BNC2: variants seen among roughly 807,000 people sequenced by gnomAD.
BNC2 encodes zinc finger protein basonuclin-2.
BNC2 carries 20 observed loss-of-function variants against 76.3 expected under a neutral mutation model. The observed-to-expected ratio is 0.26, with a 90% CI of 0.18 to 0.38. The LOEUF (loss-of-function observed/expected upper bound fraction) is 0.38, where lower values mean the gene tolerates loss of function less well. Among genes scored for constraint, BNC2 ranks in the 10% least tolerant of loss-of-function variants. The pLI is 1.00. For missense variants in BNC2, 1,382 were observed against 1,399.8 expected, an observed-to-expected ratio of 0.99 and a Z score of 0.20; for synonymous variants, 582 against 514.8, an observed-to-expected ratio of 1.13 and a Z score of -1.77.
At chr9:16,486,711 T>TG (rs1398714616) in intron 5 of BNC2, among the ~76,000 whole-genome samples, 1 of 152,124 alleles carries the variant, frequency 6.6e-6, no homozygotes, top group African/African-American at 2.4e-5. Flanking sequence ...TGTAGCAATT[T>TG]GGGAGATTCA....
At chr9:16,438,374 T>G (rs1288999835) in intron 5 of BNC2, among the ~76,000 whole-genome samples, 1 of 152,220 alleles carries the variant, frequency 6.6e-6, no homozygotes, top group Admixed American at 6.5e-5. Flanking sequence ...AGCATCCTCC[T>G]CTGATAGCAA....
chr9:16,746,222 C>A (rs1006523367), intron 1 of BNC2, among the ~76,000 whole-genome samples: 1 of 152,086 alleles, frequency 6.6e-6, no homozygotes, highest in Admixed American at 6.5e-5. Flanking sequence ...TTACTCTTTG[C>A]GACTTGTGAG....
chr9:16,847,281 G>A (rs958654238), intron 1 of BNC2, among the ~76,000 whole-genome samples: 9 of 152,040 alleles, frequency 5.9e-5, no homozygotes, highest in African/African-American at 2.2e-4. Context: ...TCAAAGAAAG[G>A]TTATGGAGTG....
chr9:16,667,307 G>C (rs1188891100), intron 3 of BNC2, among the ~76,000 whole-genome samples: 1 of 152,114 alleles, frequency 6.6e-6, no homozygotes, highest in Non-Finnish European at 1.5e-5. Flanking sequence ...TTTTCCTTTT[G>C]CAAATTTAAC....
At chr9:16,767,439 C>G (rs1825727823) in intron 1 of BNC2, among the ~76,000 whole-genome samples, 1 of 152,140 alleles carries the variant, frequency 6.6e-6, no homozygotes, top group South Asian at 2.1e-4. Flanking sequence ...GGAGAGAAAA[C>G]TCAAATCAGG....
At chr9:16,607,587 C>A (rs961417607) in intron 3 of BNC2, among the ~76,000 whole-genome samples, 2 of 152,116 alleles carry the variant, frequency 1.3e-5, no homozygotes, top group African/African-American at 4.8e-5. Context: ...TCCTACTTTA[C>A]CAATCTTGTT....
At chr9:16,429,935 G>C (rs1463843354) in intron 6 of BNC2, 4 of 514,884 alleles carry the variant, frequency 7.8e-6, no homozygotes, top group African/African-American at 5.8e-5. Flanking sequence ...GCTCACTTTA[G>C]GCTTGACAGA....
chr9:16,727,096 G>C (rs1824353444), intron 3 of BNC2: 1 of 152,634 alleles, frequency 6.6e-6, no homozygotes, highest in Admixed American at 6.5e-5. Context: ...AGACGCCGAG[G>C]CTGCGCCCGA....
chr9:16,678,261 C>CTTT (rs1587306864), intron 3 of BNC2, among the ~76,000 whole-genome samples: 2 of 75,884 alleles, frequency 2.6e-5, no homozygotes, highest in African/African-American at 5.3e-5. Flanking sequence ...TGTTTTCTTT[C>CTTT]TTTTTCTTTT....
At chr9:16,476,525 T>C (rs1032694478) in intron 5 of BNC2, among the ~76,000 whole-genome samples, 1 of 151,710 alleles carries the variant, frequency 6.6e-6, no homozygotes, top group Admixed American at 6.6e-5. Flanking sequence ...AGAAGTACTC[T>C]AGATAACTTG....
intron 3 of BNC2, among the ~76,000 whole-genome samples, chr9:16,614,577 C>G (rs894709122): frequency 2.0e-5 from 3 of 151,758 alleles, no homozygotes; most frequent in African/African-American, 7.3e-5. Flanking sequence ...TTTCCAGGTA[C>G]TATTTAAAAG....
At chr9:16,850,957 C>CTGAAATCAATGTAAAA in intron 1 of BNC2, among the ~76,000 whole-genome samples, 1 of 151,996 alleles carries the variant, frequency 6.6e-6, no homozygotes, top group African/African-American at 2.4e-5. Context: ...TAGACACAGG[C>CTGAAATCAATGTAAAA]TGTCTGAAAT....
intron 1 of BNC2, among the ~76,000 whole-genome samples, chr9:16,819,208 T>A (rs1818255562): frequency 6.6e-6 from 1 of 152,242 alleles, no homozygotes; most frequent in South Asian, 2.1e-4. Flanking sequence ...GTAGAGATGG[T>A]ATTTGACAGA....
chr9:16,659,153 G>GGGC (rs1822022402), intron 3 of BNC2, among the ~76,000 whole-genome samples: 1 of 152,106 alleles, frequency 6.6e-6, no homozygotes, highest in African/African-American at 2.4e-5. Context: ...ATGGCGGGGG[G>GGGC]GGGCATGTGA....
chr9:16,566,070 A>T (rs1467787640), intron 4 of BNC2, among the ~76,000 whole-genome samples: 1 of 152,026 alleles, frequency 6.6e-6, no homozygotes, highest in Non-Finnish European at 1.5e-5. Context: ...AACTCCTCTA[A>T]CTACCTTTTC....
chr9:16,509,142 T>C (rs1257927663), intron 5 of BNC2, among the ~76,000 whole-genome samples: 1 of 152,122 alleles, frequency 6.6e-6, no homozygotes, highest in Non-Finnish European at 1.5e-5. Flanking sequence ...TTGCACATCT[T>C]AAACTCACCC....
chr9:16,794,382 T>C (rs909219725), intron 1 of BNC2, among the ~76,000 whole-genome samples: 1 of 152,218 alleles, frequency 6.6e-6, no homozygotes, highest in Non-Finnish European at 1.5e-5. Context: ...AGATATCTCC[T>C]GTCTGTTCAT....
chr9:16,632,639 G>A (rs1821196044), intron 3 of BNC2, among the ~76,000 whole-genome samples: 1 of 152,142 alleles, frequency 6.6e-6, no homozygotes, highest in Non-Finnish European at 1.5e-5. Flanking sequence ...AAGCCATAAT[G>A]CAGACAGCAT....
At chr9:16,435,402 G>A (rs1000859451) in intron 6 of BNC2, among the ~76,000 whole-genome samples, 153 bp downstream of exon 6, 1 of 152,122 alleles carries the variant, frequency 6.6e-6, no homozygotes, top group Non-Finnish European at 1.5e-5. Context: ...TCCTTCATGA[G>A]CATGGCAGCC....
Sources: gnomAD v4.1 joint callset for allele counts (sites outside exome capture counted in the v4.1 genomes callset) on GRCh38, gnomAD v4.1.1 for gene constraint, MANE v1.5 for transcripts, NCBI Gene and HGNC (gene_info 2026-07-23, HGNC 2026-07-21) for gene names.